PDE4DIP: variants seen among roughly 807,000 people sequenced by gnomAD.
PDE4DIP encodes the protein myomegalin.
PDE4DIP carries 59 observed loss-of-function variants against 221.4 expected under a neutral mutation model. The observed-to-expected ratio is 0.27, with a 90% CI of 0.22 to 0.33. The LOEUF is 0.33. PDE4DIP is among the 10% of genes least tolerant of loss of function. The pLI is 1.00. For synonymous variants in PDE4DIP, 404 were observed against 815.9 expected (o/e 0.50, Z 8.60); for missense variants, 1,036 against 2,154.2 (o/e 0.48, Z 10.28).
chr1:149,031,800 C>A, intron 43 of PDE4DIP, 144 bp from the exon 47 acceptor site: 1 of 746,628 alleles, frequency 1.3e-6, no homozygotes, highest in South Asian at 1.5e-5. Context: ...CAGACTGCAG[C>A]GCATGCTCTT....
At chr1:148,881,692 G>T (rs1693764745) in intron 3 of PDE4DIP, among the ~76,000 whole-genome samples, 1 of 148,036 alleles carries the variant, frequency 6.8e-6, no homozygotes. Context: ...TGAGGTAGAA[G>T]AGGGAATACC....
At position 148,910,892 on chromosome 1, in the gene PDE4DIP, G is replaced by T. The variant is rs796107483; in HGVS notation, c.142-18305G>T. Among the ~76,000 whole-genome samples, 28 of 105,110 alleles carry T rather than the reference G, an allele frequency of 2.7e-4. 8 individuals carry two copies. The highest frequency in any genetic ancestry group is 4.4e-4 in the Non-Finnish European group (24 of 54,030). The allele number at this position is 105,110 out of a possible 152,430, so 69.0% of individuals were successfully genotyped here. A position where few individuals can be genotyped will look rare whatever the true frequency, so the allele number is the denominator to read the frequency against. On this transcript the variant is annotated intron_variant, in intron 1 of 43. Coordinates refer to ENST00000369354, the Ensembl canonical transcript of PDE4DIP. ...GTGATTTCTCAAAGAATTTAAAAGA[G>T]AACTACCATTTGACCCAGGAATCCC...
At chr1:149,028,280 A>G (rs1485669237) in intron 40 of PDE4DIP, among the ~76,000 whole-genome samples, 4 of 147,374 alleles carry the variant, frequency 2.7e-5, no homozygotes, top group African/African-American at 1.0e-4. Flanking sequence ...TGAGAGCTCC[A>G]ATACAAATGT....
chr1:148,995,606 G>GA (rs782741924), intron 22 of PDE4DIP, among the ~76,000 whole-genome samples: 441 of 146,596 alleles, frequency 3.0e-3, no homozygotes, highest in Non-Finnish European at 5.3e-3. Flanking sequence ...AGGAAATGTG[G>GA]AAAAAAAAAC....
In PDE4DIP at chr1:148,978,718, A is replaced by G. The variant is rs782130832; in HGVS notation, c.2574+303A>G. On this transcript the variant is annotated intron_variant, in intron 19 of 43. Coordinates refer to ENST00000369354, the Ensembl canonical transcript of PDE4DIP. ...CTGCCTCAGCCTCCTGAGTAGCTGG[A>G]GCTGCAGGTGCACACCACCACGCCC... is the stretch of plus-strand genomic sequence containing the variant. 2.0e-5 allele frequency among the ~76,000 whole-genome samples: 3 copies of G among 152,010 alleles called. No homozygotes were observed. The South Asian group carries it at 6.2e-4, about 31-fold the overall frequency.
chr1:149,016,517 T>A (rs2070619973), exon 33 of PDE4DIP: 1 of 680,364 alleles, frequency 1.5e-6, no homozygotes, highest in Non-Finnish European at 2.6e-6. Flanking sequence ...ATCCTCAGGC[T>A]CCTCTGTGTA....
chr1:148,893,218 C>T (rs1490894539), intron 1 of PDE4DIP, among the ~76,000 whole-genome samples: 1 of 137,024 alleles, frequency 7.3e-6, no homozygotes, highest in Non-Finnish European at 1.5e-5. Context: ...TCCTAAATTG[C>T]TGGGATTACA....
chr1:148,946,191 C>G (rs2051659697), intron 5 of PDE4DIP, among the ~76,000 whole-genome samples: 1 of 150,904 alleles, frequency 6.6e-6, no homozygotes, highest in South Asian at 2.1e-4. Context: ...AGCCTCTGCT[C>G]TTTGCTCTGC....
chr1:148,996,864 G>A (rs2064341900), intron 22 of PDE4DIP, among the ~76,000 whole-genome samples: 1 of 152,168 alleles, frequency 6.6e-6, no homozygotes, highest in African/African-American at 2.4e-5. Context: ...ACTTGTAGTG[G>A]GGGCCACTAC....
intron 37 of PDE4DIP, among the ~76,000 whole-genome samples, chr1:149,023,932 T>TAG (rs1305947144): frequency 2.0e-5 from 3 of 147,372 alleles, no homozygotes; most frequent in Non-Finnish European, 3.0e-5. Flanking sequence ...CACACATATA[T>TAG]ATAGAGAGAG....
intron 4 of PDE4DIP, chr1:148,932,617 AC>A: frequency 2.3e-6 from 1 of 429,484 alleles, no homozygotes; most frequent in South Asian, 2.0e-5. Context: ...AATTCTTGTC[AC>A]CAAGAAACAT....
chr1:148,978,281 C>A (rs1461383329), exon 19 of PDE4DIP: 8 of 1,599,960 alleles, frequency 5.0e-6, no homozygotes, highest in Non-Finnish European at 6.8e-6. Flanking sequence ...CTTCTAGGAC[C>A]TGCAAATGCA....
At chr1:148,891,051 T>C (rs12143795) in intron 1 of PDE4DIP, among the ~76,000 whole-genome samples, 9 of 8,444 alleles carry the variant, frequency 1.1e-3, no homozygotes, top group African/African-American at 2.8e-3. Flanking sequence ...GTGTTTCCGT[T>C]CCTTGAGAAA....
chr1:148,953,115 A>G (rs139945878), intron 5 of PDE4DIP: 111 of 1,613,952 alleles, frequency 6.9e-5, no homozygotes, highest in Non-Finnish European at 8.9e-5. Flanking sequence ...AAGGCGGGGA[A>G]TGGGACGGTT....
At chr1:148,998,454 T>C (rs1186677742) in intron 23 of PDE4DIP, 79 bp downstream of exon 26, 6 of 633,332 alleles carry the variant, frequency 9.5e-6, no homozygotes, top group Admixed American at 2.7e-5. Context: ...CCAGGCTCCA[T>C]GCATTAATAT....
chr1:148,932,935 G>A (rs1382169189), intron 4 of PDE4DIP, among the ~76,000 whole-genome samples: 1 of 152,194 alleles, frequency 6.6e-6, no homozygotes, highest in East Asian at 1.9e-4. Context: ...GAGCTAGTTA[G>A]CCCATTCTAC....
chr1:148,982,225 C>T (rs1199402437), intron 21 of PDE4DIP: 1 of 152,194 alleles, frequency 6.6e-6, no homozygotes, highest in African/African-American at 2.4e-5. Context: ...CAGAACATGA[C>T]TTCTAGAATG....
intron 5 of PDE4DIP, among the ~76,000 whole-genome samples, chr1:148,948,751 C>G (rs2052428007): frequency 6.6e-6 from 1 of 151,240 alleles, no homozygotes; most frequent in African/African-American, 2.4e-5. Context: ...ATTCTATACA[C>G]CTATGTTATC....
At chr1:148,961,597 T>C (rs587601926) in intron 6 of PDE4DIP, among the ~76,000 whole-genome samples, 188 of 152,378 alleles carry the variant, frequency 1.2e-3, no homozygotes, top group African/African-American at 4.3e-3. Flanking sequence ...GCTGCCATCA[T>C]AGAGAGATCA....
Sources: allele counts gnomAD v4.1 joint callset (sites outside exome capture counted in the v4.1 genomes callset), GRCh38; gene constraint gnomAD v4.1.1; transcripts MANE v1.5; gene names NCBI Gene and HGNC (gene_info 2026-07-23, HGNC 2026-07-21).